The following ADAM22 variants were observed in gnomAD, a reference collection of about 807,000 sequenced individuals.
ADAM22 encodes disintegrin and metalloproteinase domain-containing protein 22.
ADAM22 carries 65 observed loss-of-function variants against 144.6 expected under a neutral mutation model. The ratio of observed to expected loss-of-function variants is 0.45; its 90% CI spans 0.37 to 0.55. The LOEUF (loss-of-function observed/expected upper bound fraction) is 0.55, where lower values mean the gene tolerates loss of function less well. Among genes scored for constraint, ADAM22 ranks in the 20% least tolerant of loss-of-function variants. The probability of loss-of-function intolerance (pLI) is 0.00; values close to 1 mark genes in which losing one functional copy is unlikely to be tolerated. For synonymous variants in ADAM22, 391 were observed against 412.6 expected (o/e 0.95, Z 0.63); for missense variants, 974 against 1,184.9 (o/e 0.82, Z 2.61).
chr7:88,121,385 A>T (rs760806285), intron 7 of ADAM22, among the ~76,000 whole-genome samples: 1 of 152,176 alleles, frequency 6.6e-6, no homozygotes, highest in Non-Finnish European at 1.5e-5. Flanking sequence ...TTTAGTGTAG[A>T]TATTGTATTA....
intron 2 of ADAM22, among the ~76,000 whole-genome samples, chr7:87,963,878 A>G (rs1301331779): frequency 1.3e-5 from 2 of 152,224 alleles, no homozygotes. Flanking sequence ...TTAAGAGCTG[A>G]GTTCATGCCA....
intron 8 of ADAM22, among the ~76,000 whole-genome samples, chr7:88,128,067 A>C (rs1830864528): frequency 6.6e-6 from 1 of 151,994 alleles, no homozygotes; most frequent in African/African-American, 2.4e-5. Flanking sequence ...AGATGAAGGC[A>C]CATGACTCAC....
Position 88,113,703 on chromosome 7 carries a change from AATATATAT to A in ADAM22, c.474-851_474-844del, listed in dbSNP as rs58099116. Among the ~76,000 whole-genome samples the A allele has an allele frequency of 2.6e-3, 125 of 48,108 alleles. 4 individuals carry two copies. Among genetic ancestry groups the A allele is most frequent in the South Asian group, 9.7e-3 (8 of 824 alleles). The allele number at this position is 48,108 out of a possible 152,430, so 31.6% of individuals were successfully genotyped here. On this transcript the variant is annotated intron_variant, in intron 5 of 31. Transcript: ENST00000413139. ...TATATATATTATAAATAAATAAATAAATATATATATATATATATATATATATATATATA... is the reference window on the plus strand; with the variant it reads ...TATATATATTATAAATAAATAAATAAATATATATATATATATATATATATA...
chr7:88,145,570 C>A, intron 17 of ADAM22, 63 bp downstream of exon 17: 1 of 1,313,364 alleles, frequency 7.6e-7, no homozygotes, highest in Non-Finnish European at 1.1e-6. Context: ...ATCATTAAGG[C>A]TGGGTAAATA....
chr7:88,195,403 C>T (rs1423352028), intron 31 of ADAM22, among the ~76,000 whole-genome samples: 1 of 152,112 alleles, frequency 6.6e-6, no homozygotes, highest in Non-Finnish European at 1.5e-5. Flanking sequence ...GAGCTCATGG[C>T]AAAAGCAAGG....
intron 5 of ADAM22, among the ~76,000 whole-genome samples, chr7:88,112,858 C>T (rs981154245): frequency 2.0e-5 from 3 of 152,134 alleles, no homozygotes; most frequent in Non-Finnish European, 4.4e-5. Context: ...CAGGTGTGTG[C>T]ATCACCAGGC....
At chr7:88,074,090 G>A (rs991334721) in intron 3 of ADAM22, among the ~76,000 whole-genome samples, 1 of 152,178 alleles carries the variant, frequency 6.6e-6, no homozygotes, top group Non-Finnish European at 1.5e-5. Flanking sequence ...ATCTAGGGAT[G>A]CTAAGTGTGC....
intron 3 of ADAM22, among the ~76,000 whole-genome samples, chr7:88,044,656 C>T (rs1051921122): frequency 2.6e-5 from 4 of 151,924 alleles, no homozygotes; most frequent in African/African-American, 9.7e-5. Flanking sequence ...TTGTGTTAGC[C>T]AGGATGGTCT....
At chr7:87,967,806 T>TTA (rs1849479185) in intron 2 of ADAM22, among the ~76,000 whole-genome samples, 1 of 20,984 alleles carries the variant, frequency 4.8e-5, no homozygotes, top group African/African-American at 5.1e-4. Context: ...AGACTCTGTC[T>TTA]CAAAAAAAAA....
rs1388937854 is a variant in ADAM22, at chr7:88,163,014, G to T, written c.1910G>T (p.Gly637Val). 6.2e-7 allele frequency: 1 copy of T among 1,606,302 alleles called. No individual in the cohort carries two copies. The change falls in exon 23 of 32, where the codon GGT becomes GTT. Residue 637 changes from glycine (G) to valine (V), a missense_variant and splice_region_variant. Coordinates refer to ENST00000413139, the MANE Select transcript of ADAM22 (RefSeq NM_001324418.2). Reference protein sequence around the residue: ...VQQGRTLNCSGGHVKLEEDVD... With the variant: ...VQQGRTLNCSVGHVKLEEDVD... ...TTTTGCTCTCAATTTGTTTTTAGTG[G>T]TGGGCATGTTAAGCTTGAAGAAGAT... is the stretch of plus-strand genomic sequence containing the variant.
At chr7:88,190,164 C>T (rs1308342952) in intron 30 of ADAM22, among the ~76,000 whole-genome samples, 1 of 152,200 alleles carries the variant, frequency 6.6e-6, no homozygotes, top group East Asian at 1.9e-4. Flanking sequence ...AGAGGCACCA[C>T]AATCCATTGG....
In ADAM22 at chr7:88,197,016, C is replaced by A. The variant is rs977609721; in HGVS notation, c.*525C>A. ...TGCAGGACTTTAAAGCTTTGAAAGGCCAATATCCCATAGGCTAACTTTAAA... is the reference window on the plus strand; with the variant it reads ...TGCAGGACTTTAAAGCTTTGAAAGGACAATATCCCATAGGCTAACTTTAAA... On this transcript the variant is annotated 3_prime_UTR_variant, in exon 32 of 32. Coordinates refer to ENST00000413139, the MANE Select transcript of ADAM22 (RefSeq NM_001324418.2). The A allele has an allele frequency of 6.5e-6, 1 of 153,520 alleles. No homozygotes were observed. Among genetic ancestry groups the A allele is most frequent in the Admixed American group, 6.4e-5 (1 of 15,572 alleles). The allele number at this position is 153,520 out of a possible 1,614,324, so 9.5% of individuals were successfully genotyped here.
chr7:88,109,023 C>T (rs1450823490), intron 5 of ADAM22, among the ~76,000 whole-genome samples: 1 of 152,070 alleles, frequency 6.6e-6, no homozygotes, highest in Non-Finnish European at 1.5e-5. Flanking sequence ...TGATATTCTT[C>T]CCTACTCCTT....
intron 5 of ADAM22, among the ~76,000 whole-genome samples, chr7:88,109,157 T>C (rs1196922935): frequency 1.3e-5 from 2 of 152,172 alleles, no homozygotes; most frequent in Non-Finnish European, 2.9e-5. Context: ...TTTGCCCCTT[T>C]TTTTCAGCCT....
At position 87,935,045 on chromosome 7, in the gene ADAM22, G is replaced by A; in HGVS notation, c.105G>A (p.Glu35=). 5 of 1,614,218 alleles carry A rather than the reference G, an allele frequency of 3.1e-6. No individual in the cohort carries two copies. Among genetic ancestry groups the A allele is most frequent in the Non-Finnish European group, 4.2e-6 (5 of 1,180,046 alleles). Residue 35 remains glutamate, a synonymous_variant, in exon 2 of 32, where the codon GAG becomes GAA. Coordinates refer to ENST00000413139, the MANE Select transcript of ADAM22 (RefSeq NM_001324418.2). The part of the protein sequence containing the change: ...CGQAGDASLM[E]LEKRKENRFV... Reference sequence around the variant, plus strand: ...CTGGAGGAGACGCCTCATTGATGGAGCTAGAGAAGAGGAAGGAAAACCGCT... The same window carrying A: ...CTGGAGGAGACGCCTCATTGATGGAACTAGAGAAGAGGAAGGAAAACCGCT...
At chr7:88,120,558 T>C (rs1207460763) in intron 7 of ADAM22, among the ~76,000 whole-genome samples, 1 of 152,244 alleles carries the variant, frequency 6.6e-6, no homozygotes. Context: ...CTCACTTTGG[T>C]TGAAATTTGC....
intron 24 of ADAM22, among the ~76,000 whole-genome samples, chr7:88,166,586 CT>C (rs1434158450): frequency 1.3e-5 from 2 of 152,156 alleles, no homozygotes; most frequent in Non-Finnish European, 2.9e-5. Flanking sequence ...ATTGAGTATT[CT>C]TTTATACAAG....
chr7:88,173,706 T>A (rs1465818115), intron 26 of ADAM22, among the ~76,000 whole-genome samples: 1 of 152,124 alleles, frequency 6.6e-6, no homozygotes, highest in Non-Finnish European at 1.5e-5. Flanking sequence ...ATGAGGTTTT[T>A]CTTTGAGGTT....
intron 22 of ADAM22, among the ~76,000 whole-genome samples, chr7:88,160,635 A>T (rs1317938613): frequency 2.6e-5 from 4 of 152,114 alleles, no homozygotes; most frequent in Non-Finnish European, 5.9e-5. Flanking sequence ...AAAGGATTAT[A>T]AATCATGCTG....
Sources: allele counts gnomAD v4.1 joint callset (sites outside exome capture counted in the v4.1 genomes callset), GRCh38; gene constraint gnomAD v4.1.1; transcripts MANE v1.5; gene names NCBI Gene and HGNC (gene_info 2026-07-23, HGNC 2026-07-21).